The following ZNF407 variants were observed in gnomAD, a reference collection of about 807,000 sequenced individuals.
ZNF407 encodes zinc finger protein 407.
ZNF407 carries 17 observed loss-of-function variants against 131.2 expected under a neutral mutation model. The observed-to-expected ratio is 0.13, with a 90% CI of 0.09 to 0.19. The LOEUF is 0.19. ZNF407 is among the 10% of genes least tolerant of loss of function. The pLI is 1.00. For synonymous variants in ZNF407, 1,156 were observed against 1,062.0 expected (o/e 1.09, Z -1.72); for missense variants, 2,681 against 2,830.6 (o/e 0.95, Z 1.20).
At chr18:74,740,729 A>G (rs1454841620) in intron 3 of ZNF407, among the ~76,000 whole-genome samples, 1 of 152,108 alleles carries the variant, frequency 6.6e-6, no homozygotes, top group Non-Finnish European at 1.5e-5. Flanking sequence ...CTTCCCTTGT[A>G]TGGATACTGC....
intron 1 of ZNF407, among the ~76,000 whole-genome samples, chr18:74,616,908 C>CAT (rs1983319841): frequency 6.9e-6 from 1 of 145,842 alleles, no homozygotes; most frequent in African/African-American, 2.6e-5. Flanking sequence ...TATCCACACA[C>CAT]ATCCATATCC....
chr18:74,897,712 TACTATGTA>T (rs1568260352), intron 7 of ZNF407, among the ~76,000 whole-genome samples: 3 of 152,204 alleles, frequency 2.0e-5, no homozygotes, highest in Non-Finnish European at 4.4e-5. Flanking sequence ...CAAAACACTT[TACTATGTA>T]ACTATCTATA....
chr18:74,821,167 A>C (rs1046900611), intron 4 of ZNF407, among the ~76,000 whole-genome samples: 10 of 152,002 alleles, frequency 6.6e-5, no homozygotes, highest in Admixed American at 2.0e-4. Flanking sequence ...TTGTCATTAA[A>C]AATAATGCCA....
intron 8 of ZNF407, among the ~76,000 whole-genome samples, chr18:75,037,701 CTGAGA>C (rs1311920818): frequency 6.6e-6 from 1 of 152,070 alleles, no homozygotes; most frequent in East Asian, 1.9e-4. Context: ...GCACATTGTT[CTGAGA>C]TAAGATTTTT....
chr18:74,981,432 G>T (rs1240042513), intron 8 of ZNF407, among the ~76,000 whole-genome samples: 1 of 152,268 alleles, frequency 6.6e-6, no homozygotes, highest in African/African-American at 2.4e-5. Context: ...CAAGGAAAGT[G>T]TAATGGAGCA....
At chr18:74,854,774 A>T (rs1970835783) in intron 4 of ZNF407, among the ~76,000 whole-genome samples, 1 of 152,244 alleles carries the variant, frequency 6.6e-6, no homozygotes, top group Admixed American at 6.5e-5. Flanking sequence ...AAACAACCTT[A>T]TAGCACCCAT....
chr18:74,871,475 ATT>A (rs1285298589), intron 4 of ZNF407, among the ~76,000 whole-genome samples: 1 of 151,978 alleles, frequency 6.6e-6, no homozygotes, highest in Non-Finnish European at 1.5e-5. Flanking sequence ...ATAGTTCTAT[ATT>A]TTGTTTATTC....
chr18:74,802,594 T>C (rs1014696716), intron 4 of ZNF407, among the ~76,000 whole-genome samples: 21 of 152,214 alleles, frequency 1.4e-4, no homozygotes, highest in Admixed American at 7.9e-4. Flanking sequence ...TTTGCTTTGC[T>C]TCAGGTCAGT....
chr18:74,871,971 G>C (rs1408053494), intron 4 of ZNF407, among the ~76,000 whole-genome samples: 1 of 151,704 alleles, frequency 6.6e-6, no homozygotes, highest in South Asian at 2.1e-4. Flanking sequence ...CTGGGTTCAA[G>C]CGATTCTCCT....
chr18:75,052,072 TG>T (rs889928026), intron 8 of ZNF407, among the ~76,000 whole-genome samples: 2 of 152,098 alleles, frequency 1.3e-5, no homozygotes, highest in Non-Finnish European at 2.9e-5. Flanking sequence ...AGAATGGAAA[TG>T]GAAGGCTACC....
At chr18:74,840,056 T>C (rs1193327852) in intron 4 of ZNF407, among the ~76,000 whole-genome samples, 1 of 152,110 alleles carries the variant, frequency 6.6e-6, no homozygotes, top group East Asian at 1.9e-4. Flanking sequence ...TCTAGACCAA[T>C]ACTCTTACTT....
chr18:75,027,823 G>A (rs939952974), intron 8 of ZNF407, among the ~76,000 whole-genome samples: 8 of 152,186 alleles, frequency 5.3e-5, no homozygotes, highest in Non-Finnish European at 2.9e-5. Context: ...TAAAAGAAGT[G>A]AAGGAAACAG....
intron 3 of ZNF407, among the ~76,000 whole-genome samples, chr18:74,679,482 A>G (rs1966931508): frequency 6.6e-6 from 1 of 152,224 alleles, no homozygotes; most frequent in Non-Finnish European, 1.5e-5. Flanking sequence ...TGTAGTGGGC[A>G]TTCAGTAAGT....
chr18:74,942,796 T>G (rs1430150953), intron 8 of ZNF407, among the ~76,000 whole-genome samples: 1 of 152,238 alleles, frequency 6.6e-6, no homozygotes, highest in Non-Finnish European at 1.5e-5. Context: ...TTGGCTGATA[T>G]GCATGTGTTT....
chr18:74,869,799 T>A (rs778103917), intron 4 of ZNF407, among the ~76,000 whole-genome samples: 5 of 152,108 alleles, frequency 3.3e-5, no homozygotes, highest in Non-Finnish European at 5.9e-5. Context: ...AACAGCAGAG[T>A]TAAGTAGTTG....
chr18:74,598,372 C>T (rs1599114884), intron 1 of ZNF407: 1 of 152,500 alleles, frequency 6.6e-6, no homozygotes, highest in South Asian at 2.1e-4. Flanking sequence ...CAGAAACAGT[C>T]CCCCGTTCCT....
intron 1 of ZNF407, among the ~76,000 whole-genome samples, chr18:74,615,975 T>C (rs937891980): frequency 1.3e-5 from 2 of 152,094 alleles, no homozygotes; most frequent in Admixed American, 1.3e-4. Context: ...GTGATTTTCC[T>C]GCCTCAGCCT....
rs2144598869 is a variant in ZNF407 at position 74,600,147 on chromosome 18, A to T, written c.-54+2210A>T. ...ACAGAGTGTCACAGTGCCATTCATG[A>T]TTCTTGGTTGTCAACCATGGCAATG... On this transcript the variant is annotated intron_variant, in intron 1 of 8. Coordinates refer to ENST00000299687, the MANE Select transcript of ZNF407 (RefSeq NM_017757.3). Among the ~76,000 whole-genome samples the T allele has an allele frequency of 2.6e-5, 4 of 152,344 alleles. 2 individuals are homozygous for T. In the South Asian group the frequency reaches 8.3e-4, roughly 32 times the overall value.
chr18:74,906,554 C>G (rs148156533), intron 7 of ZNF407, among the ~76,000 whole-genome samples: 1 of 152,140 alleles, frequency 6.6e-6, no homozygotes, highest in African/African-American at 2.4e-5. Context: ...CCAAAATGAT[C>G]CAAATACACT....
Sources: gnomAD v4.1 joint callset for allele counts (sites outside exome capture counted in the v4.1 genomes callset) on GRCh38, gnomAD v4.1.1 for gene constraint, MANE v1.5 for transcripts, NCBI Gene and HGNC (gene_info 2026-07-23, HGNC 2026-07-21) for gene names.